RAPGEF6: variants seen among roughly 807,000 people sequenced by gnomAD.
RAPGEF6 encodes the protein Rap guanine nucleotide exchange factor 6.
A neutral mutation model predicts 171.4 loss-of-function variants in RAPGEF6; 56 were observed. The ratio of observed to expected loss-of-function variants is 0.33; its 90% CI spans 0.26 to 0.41. RAPGEF6 has a LOEUF of 0.41. RAPGEF6 is among the 10% of genes least tolerant of loss of function. The pLI, the probability that RAPGEF6 is intolerant of heterozygous loss-of-function variation, is 1.00. For missense variants in RAPGEF6, 1,674 were observed against 1,921.4 expected, an observed-to-expected ratio of 0.87 and a Z score of 2.41; for synonymous variants, 692 against 650.1, an observed-to-expected ratio of 1.06 and a Z score of -0.98.
intron 6 of RAPGEF6, chr5:131,532,888 A>G (rs973073441): frequency 1.3e-5 from 2 of 152,624 alleles, no homozygotes; most frequent in Non-Finnish European, 2.9e-5. Flanking sequence ...TTTTTATATA[A>G]TATGGTACAA....
At position 131,427,037 on chromosome 5, in the gene RAPGEF6, GACT is replaced by G. The variant is rs1751424803; in HGVS notation, c.*226_*228del. On this transcript the variant is annotated 3_prime_UTR_variant, in exon 28 of 28. Coordinates refer to ENST00000509018, the MANE Select transcript of RAPGEF6 (RefSeq NM_016340.6). ...AGGCAGTTCCGGCGTGCAAAGTGGA[GACT>G]GGTATCCAGGCATAGCATCCATTGC... 7.2e-6 allele frequency: 4 copies of G among 554,158 alleles called. No individual in the cohort carries two copies. The highest frequency in any genetic ancestry group is 1.3e-5 in the Non-Finnish European group (4 of 316,378). 34.3% of individuals were successfully genotyped at this position (554,158 alleles called of 1,614,324 possible).
At chr5:131,547,529 A>C (rs1274307186) in intron 6 of RAPGEF6, among the ~76,000 whole-genome samples, 1 of 144,956 alleles carries the variant, frequency 6.9e-6, no homozygotes, top group Non-Finnish European at 1.5e-5. Context: ...TTTTTTTGGC[A>C]ACAGAGTTTT....
At chr5:131,466,484 G>T (rs950394162) in intron 17 of RAPGEF6, among the ~76,000 whole-genome samples, 1 of 152,168 alleles carries the variant, frequency 6.6e-6, no homozygotes, top group Non-Finnish European at 1.5e-5. Flanking sequence ...ATCTTGAATT[G>T]TAACTCCCAC....
At chr5:131,622,023 G>T (rs1765622430) in intron 1 of RAPGEF6, among the ~76,000 whole-genome samples, 1 of 151,928 alleles carries the variant, frequency 6.6e-6, no homozygotes, top group South Asian at 2.1e-4. Context: ...TTTATCCCTG[G>T]CACATGAAAC....
intron 4 of RAPGEF6, among the ~76,000 whole-genome samples, chr5:131,587,549 C>T (rs115259001): frequency 9.2e-4 from 140 of 152,114 alleles, no homozygotes; most frequent in African/African-American, 3.3e-3. Context: ...TGCACTTTTC[C>T]CCATATTATA....
chr5:131,525,755 G>A (rs377159027), intron 6 of RAPGEF6, among the ~76,000 whole-genome samples: 68 of 152,184 alleles, frequency 4.5e-4, no homozygotes, highest in African/African-American at 1.6e-3. Flanking sequence ...GGGTGTCAGG[G>A]GTAGGAGATA....
At chr5:131,546,520 C>T (rs929538482) in intron 6 of RAPGEF6, among the ~76,000 whole-genome samples, 28 of 151,864 alleles carry the variant, frequency 1.8e-4, no homozygotes, top group Non-Finnish European at 3.1e-4. Flanking sequence ...AGGAGAAGCG[C>T]GTGAACCCAG....
intron 6 of RAPGEF6, among the ~76,000 whole-genome samples, chr5:131,538,997 T>G (rs117356823): frequency 6.6e-6 from 1 of 152,170 alleles, no homozygotes; most frequent in Non-Finnish European, 1.5e-5. Flanking sequence ...CTTCTTTTGT[T>G]TTTAAGGTAG....
intron 1 of RAPGEF6, among the ~76,000 whole-genome samples, chr5:131,618,596 C>G (rs1426280234): frequency 6.6e-6 from 1 of 152,090 alleles, no homozygotes; most frequent in African/African-American, 2.4e-5. Flanking sequence ...CAAGATCACA[C>G]CACTGCACTG....
intron 3 of RAPGEF6, among the ~76,000 whole-genome samples, chr5:131,597,634 G>A (rs776397150): frequency 6.6e-6 from 1 of 152,100 alleles, no homozygotes; most frequent in African/African-American, 2.4e-5. Flanking sequence ...TCACTTATAC[G>A]TGGAATCTAA....
At chr5:131,607,185 C>T (rs565898336) in intron 1 of RAPGEF6, among the ~76,000 whole-genome samples, 96 of 152,310 alleles carry the variant, frequency 6.3e-4, no homozygotes, top group Admixed American at 1.0e-3. Context: ...CCCCATTCCC[C>T]AGAACAAGAC....
intron 6 of RAPGEF6, among the ~76,000 whole-genome samples, chr5:131,521,755 T>C (rs1758493237): frequency 6.6e-6 from 1 of 151,142 alleles, no homozygotes; most frequent in Non-Finnish European, 1.5e-5. Flanking sequence ...CCATTACTAA[T>C]GATATTTCAG....
intron 1 of RAPGEF6, among the ~76,000 whole-genome samples, chr5:131,616,897 G>A (rs1369515222): frequency 2.0e-5 from 3 of 151,984 alleles, no homozygotes; most frequent in Non-Finnish European, 4.4e-5. Context: ...GTGAGTCACC[G>A]CACCCAGGCA....
At chr5:131,550,459 A>C (rs1033122475) in intron 5 of RAPGEF6, among the ~76,000 whole-genome samples, 6 of 152,224 alleles carry the variant, frequency 3.9e-5, no homozygotes, top group South Asian at 2.1e-4. Flanking sequence ...AATTAGATAC[A>C]CAAAATTTCC....
intron 25 of RAPGEF6, among the ~76,000 whole-genome samples, chr5:131,431,690 T>A (rs1438895656): frequency 6.6e-6 from 1 of 151,862 alleles, no homozygotes; most frequent in Non-Finnish European, 1.5e-5. Flanking sequence ...ACAGGCACGA[T>A]CATGATGCAC....
At position 131,570,019 on chromosome 5, in the gene RAPGEF6, G is replaced by A. The variant is rs189816991; in HGVS notation, c.282-7972C>T. 4.6e-4 allele frequency among the ~76,000 whole-genome samples: 60 copies of A among 131,050 alleles called. 1 individual carries two copies. The highest frequency in any genetic ancestry group is 7.5e-4 in the Non-Finnish European group (48 of 64,094). The allele number at this position is 131,050 out of a possible 152,430, so 86.0% of individuals were successfully genotyped here. On this transcript the variant is annotated intron_variant, in intron 4 of 27. Coordinates refer to ENST00000509018, the MANE Select transcript of RAPGEF6 (RefSeq NM_016340.6). ...ATCACACCACTGTACTCCAACCTGC[G>A]GAGCAGAGCAAGACTCTGTCTCAAA...
At chr5:131,538,836 G>T (rs951358818) in intron 6 of RAPGEF6, among the ~76,000 whole-genome samples, 2 of 152,092 alleles carry the variant, frequency 1.3e-5, no homozygotes, top group African/African-American at 2.4e-5. Flanking sequence ...AGTTTTAGTT[G>T]TATCACTTCT....
At position 131,504,815 on chromosome 5, in the gene RAPGEF6, A is replaced by ATAG. The variant is rs759399487; in HGVS notation, c.1102-40_1102-38dup. 3.2e-6 allele frequency: 5 copies of ATAG among 1,571,196 alleles called. No individual in the cohort carries two copies. In the Admixed American group the frequency reaches 9.1e-5, roughly 29 times the overall value. ...CAACATGGGGACAGTTAATGAACCTATAGTACATAAATATATCACTATGTA... is the reference window on the plus strand; with the variant it reads ...CAACATGGGGACAGTTAATGAACCTATAGTAGTACATAAATATATCACTATGTA... On this transcript the variant is annotated intron_variant, in intron 10 of 27. Coordinates refer to ENST00000509018, the MANE Select transcript of RAPGEF6 (RefSeq NM_016340.6).
chr5:131,607,058 C>T (rs900851121), intron 1 of RAPGEF6, among the ~76,000 whole-genome samples: 8 of 152,310 alleles, frequency 5.3e-5, no homozygotes, highest in African/African-American at 1.4e-4. Context: ...TCATTCCCCA[C>T]TCCCTCAGTT....
Sources: allele counts gnomAD v4.1 joint callset (sites outside exome capture counted in the v4.1 genomes callset), GRCh38; gene constraint gnomAD v4.1.1; transcripts MANE v1.5; gene names NCBI Gene and HGNC (gene_info 2026-07-23, HGNC 2026-07-21).